The following PPP1R12B variants were observed in gnomAD, a reference collection of about 807,000 sequenced individuals.
The protein encoded by PPP1R12B is protein phosphatase 1 regulatory subunit 12B.
PPP1R12B carries 76 observed loss-of-function variants against 126.1 expected under a neutral mutation model. That is an observed-to-expected ratio of 0.60 (90% confidence interval 0.50 to 0.73). The LOEUF is 0.73. Ranked by LOEUF, PPP1R12B falls within the 30% of genes least tolerant of loss-of-function variation. The pLI is 0.00. For missense variants in PPP1R12B, 1,052 were observed against 1,205.1 expected, an observed-to-expected ratio of 0.87 and a Z score of 1.88; for synonymous variants, 356 against 434.7, an observed-to-expected ratio of 0.82 and a Z score of 2.25.
intron 10 of PPP1R12B, 174 bp downstream of exon 10, chr1:202,438,198 A>G: frequency 6.4e-7 from 1 of 1,561,242 alleles, no homozygotes; most frequent in Non-Finnish European, 8.6e-7. Context: ...TTTGCTTGCT[A>G]TTGTTTGCTT....
chr1:202,571,558 G>A (rs1306289324), intron 23 of PPP1R12B, among the ~76,000 whole-genome samples: 3 of 152,134 alleles, frequency 2.0e-5, no homozygotes, highest in African/African-American at 4.8e-5. Context: ...TCGCTCAAGC[G>A]ATTCTCCTGC....
chr1:202,457,424 G>T (rs1281869285), intron 13 of PPP1R12B, among the ~76,000 whole-genome samples: 2 of 151,820 alleles, frequency 1.3e-5, no homozygotes, highest in Non-Finnish European at 1.5e-5. Flanking sequence ...ATGGTGGCAC[G>T]TGCCTGTAAT....
chr1:202,416,700 G>C, intron 1 of PPP1R12B, 87 bp from the exon 2 acceptor site: 2 of 1,162,492 alleles, frequency 1.7e-6, no homozygotes, highest in Non-Finnish European at 2.5e-6. Flanking sequence ...AGAACTGCTG[G>C]GCATTGTCAG....
intron 23 of PPP1R12B, among the ~76,000 whole-genome samples, chr1:202,579,114 G>C (rs1689358816): frequency 6.6e-6 from 1 of 152,132 alleles, no homozygotes; most frequent in South Asian, 2.1e-4. Context: ...TAGATATTCA[G>C]TAATTTTCTT....
chr1:202,477,458 C>G (rs1352521464), intron 13 of PPP1R12B, among the ~76,000 whole-genome samples: 5 of 152,202 alleles, frequency 3.3e-5, no homozygotes, highest in Non-Finnish European at 7.3e-5. Context: ...TATCACTACA[C>G]TATACCTGTC....
chr1:202,520,538 C>T (rs1222984521), intron 18 of PPP1R12B, among the ~76,000 whole-genome samples: 2 of 152,216 alleles, frequency 1.3e-5, no homozygotes, highest in African/African-American at 4.8e-5. Flanking sequence ...TTAAAGTCAT[C>T]TTCCTTCCAT....
At chr1:202,451,921 C>T (rs1407413333) in intron 13 of PPP1R12B, among the ~76,000 whole-genome samples, 9 of 151,794 alleles carry the variant, frequency 5.9e-5, no homozygotes, top group East Asian at 1.9e-4. Flanking sequence ...GGGTGGCTGC[C>T]GGGTGGAGGG....
rs1664350242 is a variant in PPP1R12B at position 202,392,887 on chromosome 1, C to T, written c.292-23900C>T. Among the ~76,000 whole-genome samples, 5 of 151,952 alleles carry T rather than the reference C, an allele frequency of 3.3e-5. 1 individual carries two copies. In the South Asian group the frequency reaches 1.0e-3, roughly 32 times the overall value. On this transcript the variant is annotated intron_variant, in intron 1 of 23. Transcript: ENST00000608999. ...AAAATTGACTGTGGTGATGGTTTCA[C>T]TTATCTATGACTATAATTTTTAAAA...
chr1:202,572,774 G>C (rs1688730527), intron 23 of PPP1R12B, among the ~76,000 whole-genome samples: 1 of 152,132 alleles, frequency 6.6e-6, no homozygotes, highest in African/African-American at 2.4e-5. Context: ...ATTGGTCCTG[G>C]AATTTTTATT....
chr1:202,438,786 G>A (rs1671192368), intron 10 of PPP1R12B: 10 of 764,572 alleles, frequency 1.3e-5, no homozygotes, highest in East Asian at 2.4e-5. Flanking sequence ...CAACTGTGAC[G>A]TCATCCAGGC....
chr1:202,443,408 T>C (rs1248240642), intron 12 of PPP1R12B, among the ~76,000 whole-genome samples: 1 of 152,262 alleles, frequency 6.6e-6, no homozygotes, highest in Non-Finnish European at 1.5e-5. Context: ...TGGCCTAGAC[T>C]AGATGAACAC....
In PPP1R12B at chr1:202,556,756, C is replaced by T. The variant is rs1307983252; in HGVS notation, c.2491-2121C>T. On this transcript the variant is annotated intron_variant, in intron 18 of 23. Coordinates refer to ENST00000608999, the MANE Select transcript of PPP1R12B (RefSeq NM_002481.4). ...TGTCGTGCAACTTGTTCTGCTTCTT[C>T]CTCAGTGCCTCCTCTACAGGGCTCT... is the stretch of plus-strand genomic sequence containing the variant. 2.0e-5 allele frequency among the ~76,000 whole-genome samples: 3 copies of T among 152,310 alleles called. No individual in the cohort carries two copies. The East Asian group carries it at 5.8e-4, about 29-fold the overall frequency.
intron 13 of PPP1R12B, among the ~76,000 whole-genome samples, chr1:202,456,360 T>C (rs1008587620): frequency 6.6e-6 from 1 of 152,110 alleles, no homozygotes; most frequent in Admixed American, 6.5e-5. Context: ...TAGATGGAAC[T>C]TATAAGGCTC....
chr1:202,408,578 C>G (rs1368822230), intron 1 of PPP1R12B, among the ~76,000 whole-genome samples: 9 of 152,162 alleles, frequency 5.9e-5, no homozygotes. Context: ...CAAATTAACA[C>G]AAACTTGGTG....
intron 1 of PPP1R12B, among the ~76,000 whole-genome samples, chr1:202,361,182 C>T (rs1196951626): frequency 4.6e-5 from 7 of 152,260 alleles, no homozygotes; most frequent in South Asian, 4.1e-4. Flanking sequence ...TGTGAGCTAC[C>T]GCTCCCGGCC....
At chr1:202,522,641 G>A (rs929241157) in intron 18 of PPP1R12B, among the ~76,000 whole-genome samples, 3 of 152,094 alleles carry the variant, frequency 2.0e-5, no homozygotes, top group African/African-American at 4.8e-5. Flanking sequence ...TACAAAGCCA[G>A]AGAGATAGTC....
rs142637361 is a variant in PPP1R12B at position 202,351,437 on chromosome 1, C to T, written c.291+2295C>T. 2.5e-3 allele frequency among the ~76,000 whole-genome samples: 381 copies of T among 152,224 alleles called. 3 individuals are homozygous for T. Among genetic ancestry groups the T allele is most frequent in the African/African-American group, 8.9e-3 (369 of 41,542 alleles). ...TATTTTTAGTAGGGATGGGGTTTCG[C>T]CATGTTGGCCAGGCTGGTCTCAAAC... On this transcript the variant is annotated intron_variant, in intron 1 of 23. Transcript: ENST00000608999.
chr1:202,496,677 A>T (rs1679591150), intron 17 of PPP1R12B, 104 bp from the exon 18 acceptor site: 2 of 977,934 alleles, frequency 2.0e-6, no homozygotes, highest in Non-Finnish European at 3.1e-6. Context: ...CTCATTGCCC[A>T]TGTTTGAAAT....
chr1:202,416,537 A>C (rs1668086801), intron 1 of PPP1R12B, among the ~76,000 whole-genome samples: 1 of 151,582 alleles, frequency 6.6e-6, no homozygotes, highest in African/African-American at 2.4e-5. Flanking sequence ...AAAAAAAAAA[A>C]AAAAAAAAAG....
Sources: gnomAD v4.1 joint callset for allele counts (sites outside exome capture counted in the v4.1 genomes callset) on GRCh38, gnomAD v4.1.1 for gene constraint, MANE v1.5 for transcripts, NCBI Gene and HGNC (gene_info 2026-07-23, HGNC 2026-07-21) for gene names.